IL1RAPL2: variants seen among roughly 807,000 people sequenced by gnomAD.
IL1RAPL2 encodes the protein interleukin 1 receptor accessory protein like 2.
IL1RAPL2 carries 3 observed loss-of-function variants against 44.1 expected under a neutral mutation model. The ratio of observed to expected loss-of-function variants is 0.07; its 90% CI spans 0.03 to 0.18. The LOEUF is 0.18. IL1RAPL2 is among the 10% of genes least tolerant of loss of function. IL1RAPL2 has a pLI of 1.00. For missense variants in IL1RAPL2, 391 were observed against 496.4 expected (o/e 0.79, Z 2.02); for synonymous variants, 181 against 178.8 (o/e 1.01, Z -0.10).
At chrX:104,873,279 G>A (rs1013417202) in intron 2 of IL1RAPL2, among the ~76,000 whole-genome samples, 1 of 110,968 alleles carries the variant, frequency 9.0e-6, no homozygotes, top group Non-Finnish European at 1.9e-5. Flanking sequence ...CTCCACATTC[G>A]TCACTGAGTT....
intron 2 of IL1RAPL2, among the ~76,000 whole-genome samples, chrX:104,889,854 G>T (rs1382565347): frequency 2.7e-5 from 3 of 111,336 alleles, no homozygotes; most frequent in African/African-American, 6.5e-5. Flanking sequence ...CAAAGTGCAG[G>T]TTTGTTACAT....
At chrX:105,205,169 A>G (rs1245612769) in intron 3 of IL1RAPL2, among the ~76,000 whole-genome samples, 1 of 111,056 alleles carries the variant, frequency 9.0e-6, no homozygotes, top group East Asian at 2.8e-4. Flanking sequence ...AGAGAAAGTG[A>G]CATACAAACT....
At chrX:104,973,195 C>T (rs746475733) in intron 2 of IL1RAPL2, among the ~76,000 whole-genome samples, 4 of 111,657 alleles carry the variant, frequency 3.6e-5, no homozygotes, top group Non-Finnish European at 7.5e-5. Context: ...TGAGGTTTGT[C>T]TAACTCCCTG....
chrX:105,228,843 G>C (rs190504991), intron 3 of IL1RAPL2, among the ~76,000 whole-genome samples: 1 of 112,052 alleles, frequency 8.9e-6, no homozygotes, highest in East Asian at 2.8e-4. Context: ...GCTTGACAAA[G>C]TTCTTTGTCC....
At chrX:104,911,167 G>A (rs769968751) in intron 2 of IL1RAPL2, among the ~76,000 whole-genome samples, 15 of 111,296 alleles carry the variant, frequency 1.3e-4, no homozygotes, top group East Asian at 8.5e-4. Flanking sequence ...CCCATCTCCC[G>A]CCCAAAGACT....
At chrX:105,642,594 T>C (rs986836640) in intron 6 of IL1RAPL2, among the ~76,000 whole-genome samples, 16 of 112,125 alleles carry the variant, frequency 1.4e-4, no homozygotes, top group African/African-American at 5.2e-4. Flanking sequence ...TTTATTGCTA[T>C]TATTTCCCAG....
chrX:105,287,807 C>T (rs1243510726), intron 5 of IL1RAPL2, among the ~76,000 whole-genome samples: 1 of 111,083 alleles, frequency 9.0e-6, no homozygotes, highest in Non-Finnish European at 1.9e-5. Flanking sequence ...AGTGACAGGT[C>T]CGGGTATGAC....
intron 5 of IL1RAPL2, among the ~76,000 whole-genome samples, chrX:105,374,600 A>G (rs1257395897): frequency 1.8e-5 from 2 of 110,625 alleles, no homozygotes; most frequent in East Asian, 2.9e-4. Flanking sequence ...TTTTGAGGCA[A>G]TTGTCAATGA....
intron 5 of IL1RAPL2, among the ~76,000 whole-genome samples, chrX:105,359,164 TA>T (rs994585379): frequency 9.0e-6 from 1 of 111,650 alleles, no homozygotes; most frequent in African/African-American, 3.3e-5. Context: ...AGTTGTGGGA[TA>T]GGTGCATTGG....
intron 2 of IL1RAPL2, among the ~76,000 whole-genome samples, chrX:104,688,036 C>T (rs1931018650): frequency 8.9e-6 from 1 of 112,072 alleles, no homozygotes; most frequent in African/African-American, 3.2e-5. Flanking sequence ...CCATCACCTA[C>T]ACAACTATGC....
chrX:105,306,013 C>T (rs1356898256), intron 5 of IL1RAPL2, among the ~76,000 whole-genome samples: 1 of 99,650 alleles, frequency 1.0e-5, no homozygotes, highest in Non-Finnish European at 1.9e-5. Context: ...TCTTATACTT[C>T]ATTTTATAAC....
intron 2 of IL1RAPL2, among the ~76,000 whole-genome samples, chrX:105,137,093 G>C (rs1460420463): frequency 8.9e-6 from 1 of 111,768 alleles, no homozygotes; most frequent in Non-Finnish European, 1.9e-5. Context: ...GATGAAAGGA[G>C]AGGGCAGAAT....
At chrX:104,903,927 G>A (rs1410287197) in intron 2 of IL1RAPL2, among the ~76,000 whole-genome samples, 1 of 111,516 alleles carries the variant, frequency 9.0e-6, no homozygotes, top group Non-Finnish European at 1.9e-5. Flanking sequence ...GAAGGGATAA[G>A]TAGTGTTCTG....
chrX:105,273,106 C>T (rs2034459919), intron 5 of IL1RAPL2, among the ~76,000 whole-genome samples: 2 of 111,409 alleles, frequency 1.8e-5, no homozygotes, highest in African/African-American at 6.5e-5. Flanking sequence ...AAGCCAGCAA[C>T]TCCATAATAA....
chrX:105,512,061 T>A (rs2036474193), intron 6 of IL1RAPL2, among the ~76,000 whole-genome samples: 1 of 110,952 alleles, frequency 9.0e-6, no homozygotes, highest in African/African-American at 3.3e-5. Context: ...TCTCTCTAAT[T>A]TCAGTCCTCT....
At chrX:104,937,760 C>A (rs2147700781) in intron 2 of IL1RAPL2, among the ~76,000 whole-genome samples, 1 of 112,560 alleles carries the variant, frequency 8.9e-6, no homozygotes, top group Admixed American at 9.4e-5. Flanking sequence ...CCATTACCAT[C>A]TTTAAGCTCT....
chrX:105,430,522 T>C (rs1434361442), intron 5 of IL1RAPL2, among the ~76,000 whole-genome samples: 2 of 111,842 alleles, frequency 1.8e-5, no homozygotes, highest in Admixed American at 1.9e-4. Flanking sequence ...CCTTGCTTAA[T>C]AGAGTTACAT....
chrX:104,749,745 G>C (rs780517337), intron 2 of IL1RAPL2, among the ~76,000 whole-genome samples: 1 of 111,666 alleles, frequency 9.0e-6, no homozygotes, highest in East Asian at 2.9e-4. Context: ...GCCATGTCTG[G>C]TACCAAGTAG....
intron 2 of IL1RAPL2, among the ~76,000 whole-genome samples, chrX:104,676,466 T>C (rs765396405): frequency 8.9e-6 from 1 of 112,206 alleles, no homozygotes; most frequent in African/African-American, 3.2e-5. Flanking sequence ...TGCTGAGAGA[T>C]CCACTGTTAG....
Sources: allele counts gnomAD v4.1 joint callset (sites outside exome capture counted in the v4.1 genomes callset), GRCh38; gene constraint gnomAD v4.1.1; transcripts MANE v1.5; gene names NCBI Gene and HGNC (gene_info 2026-07-23, HGNC 2026-07-21).